Variants in RAB11FIP4 observed in about 807,000 individuals in gnomAD.
The protein encoded by RAB11FIP4 is RAB11 family interacting protein 4.
Under a neutral mutation model 74.3 loss-of-function variants are expected in RAB11FIP4, and 23 were observed. The ratio of observed to expected loss-of-function variants is 0.31; its 90% CI spans 0.22 to 0.44. The LOEUF is 0.44. Among genes scored for constraint, RAB11FIP4 ranks in the 20% least tolerant of loss-of-function variants. The pLI, the probability that RAB11FIP4 is intolerant of heterozygous loss-of-function variation, is 1.00. For missense variants in RAB11FIP4, 630 were observed against 863.9 expected (o/e 0.73, Z 3.39); for synonymous variants, 360 against 359.9 (o/e 1.00, Z 0.00).
At chr17:31,459,725 C>T (rs1039826497) in intron 3 of RAB11FIP4, among the ~76,000 whole-genome samples, 2 of 152,072 alleles carry the variant, frequency 1.3e-5, no homozygotes, top group African/African-American at 4.8e-5. Context: ...TCGGCTGCCA[C>T]CCAGAAGCTT....
rs377283725 is a variant in RAB11FIP4, at chr17:31,503,491, A to G, written c.337-14160A>G. ...CTTCAAGGGAAGGGGGAAGAGGAAG[A>G]GGAGGGTGGGCAAAGCCTGGCAGAG... On this transcript the variant is annotated intron_variant, in intron 3 of 14. Coordinates refer to ENST00000621161, the MANE Select transcript of RAB11FIP4 (RefSeq NM_032932.6). Among the ~76,000 whole-genome samples the G allele has an allele frequency of 4.7e-5, 7 of 149,992 alleles. No individual in the cohort carries two copies. The East Asian group carries it at 1.2e-3, about 25-fold the overall frequency.
intron 1 of RAB11FIP4, among the ~76,000 whole-genome samples, chr17:31,403,642 C>T (rs2071016586): frequency 6.6e-6 from 1 of 152,076 alleles, no homozygotes; most frequent in African/African-American, 2.4e-5. Context: ...ATTTCTTAAT[C>T]CCTTTCGTCA....
At chr17:31,487,726 G>C (rs1301565877) in intron 3 of RAB11FIP4, among the ~76,000 whole-genome samples, 1 of 152,080 alleles carries the variant, frequency 6.6e-6, no homozygotes, top group South Asian at 2.1e-4. Flanking sequence ...GGCGCAGAAC[G>C]GGCAAGAGAC....
In RAB11FIP4 at chr17:31,537,466, G is replaced by T; in HGVS notation, c.*5734G>T. On this transcript the variant is annotated 3_prime_UTR_variant, in exon 15 of 15. Transcript: ENST00000621161. Reference sequence around the variant, plus strand: ...GCATTCCAGAAAAGGGCAACTTTGTGTAAAGCAGCTTCTCCCACAGAGCTT... The same window carrying T: ...GCATTCCAGAAAAGGGCAACTTTGTTTAAAGCAGCTTCTCCCACAGAGCTT... 1 of 363,422 alleles carries T rather than the reference G, an allele frequency of 2.8e-6. No individual in the cohort carries two copies. Among genetic ancestry groups the T allele is most frequent in the Non-Finnish European group, 4.9e-6 (1 of 203,560 alleles). 22.5% of individuals were successfully genotyped at this position (363,422 alleles called of 1,614,324 possible). A position where few individuals can be genotyped will look rare whatever the true frequency, so the allele number is the denominator to read the frequency against.
intron 3 of RAB11FIP4, among the ~76,000 whole-genome samples, chr17:31,448,884 C>G (rs147687108): frequency 3.1e-4 from 47 of 152,284 alleles, no homozygotes; most frequent in Middle Eastern, 3.4e-3. Context: ...TGTCATTTGG[C>G]AAGTCGCTTC....
At chr17:31,521,458 CT>C in intron 5 of RAB11FIP4, 98 bp downstream of exon 5, 2 of 1,103,698 alleles carry the variant, frequency 1.8e-6, no homozygotes, top group Non-Finnish European at 2.5e-6. Context: ...TGAGCTGGCC[CT>C]TTTCCTTTGT....
intron 3 of RAB11FIP4, among the ~76,000 whole-genome samples, chr17:31,503,076 A>G (rs1597961829): frequency 6.6e-6 from 1 of 152,154 alleles, no homozygotes; most frequent in African/African-American, 2.4e-5. Flanking sequence ...TCTGTTGCCC[A>G]GGCTGGAGTG....
chr17:31,440,112 C>T (rs576072400), intron 3 of RAB11FIP4, among the ~76,000 whole-genome samples: 1 of 152,254 alleles, frequency 6.6e-6, no homozygotes, highest in East Asian at 1.9e-4. Context: ...AGGCTATAAA[C>T]ATATTCTCCT....
At chr17:31,434,234 C>A in intron 3 of RAB11FIP4, 112 bp downstream of exon 3, 1 of 825,886 alleles carries the variant, frequency 1.2e-6, no homozygotes, top group Non-Finnish European at 2.0e-6. Flanking sequence ...TCTGAGGACC[C>A]TTCTTGAGCA....
chr17:31,520,096 A>G (rs1260802143), intron 4 of RAB11FIP4, among the ~76,000 whole-genome samples: 1 of 60,590 alleles, frequency 1.7e-5, no homozygotes, highest in Non-Finnish European at 2.8e-5. Context: ...TCTGTCTCCA[A>G]AAAAAAAAAA....
chr17:31,428,614 G>T (rs911672829), intron 1 of RAB11FIP4, among the ~76,000 whole-genome samples: 4 of 152,050 alleles, frequency 2.6e-5, no homozygotes, highest in Non-Finnish European at 5.9e-5. Context: ...TGTATGTGTG[G>T]CTAGCCAGCA....
chr17:31,434,866 AC>A (rs1392929291), intron 3 of RAB11FIP4, among the ~76,000 whole-genome samples: 1 of 152,140 alleles, frequency 6.6e-6, no homozygotes, highest in Non-Finnish European at 1.5e-5. Context: ...TGCTACCAGC[AC>A]CCGGGCTCTC....
intron 3 of RAB11FIP4, among the ~76,000 whole-genome samples, chr17:31,462,398 A>G (rs1208611837): frequency 6.6e-6 from 1 of 152,224 alleles, no homozygotes; most frequent in Non-Finnish European, 1.5e-5. Flanking sequence ...TGTGGCCAGC[A>G]GCATAGATGA....
chr17:31,427,564 C>T (rs1046614986), intron 1 of RAB11FIP4, among the ~76,000 whole-genome samples: 3 of 152,234 alleles, frequency 2.0e-5, no homozygotes, highest in Admixed American at 6.5e-5. Context: ...CAAATCCCTG[C>T]ACTCCTGCCT....
chr17:31,491,398 G>T (rs1340431080), intron 3 of RAB11FIP4, among the ~76,000 whole-genome samples: 3 of 152,248 alleles, frequency 2.0e-5, no homozygotes, highest in African/African-American at 7.2e-5. Flanking sequence ...GAGCTCGCAG[G>T]ATGGTAGTGA....
chr17:31,491,240 T>G (rs7215205), intron 3 of RAB11FIP4, among the ~76,000 whole-genome samples: 1 of 152,116 alleles, frequency 6.6e-6, no homozygotes, highest in African/African-American at 2.4e-5. Flanking sequence ...CATTTCTGTT[T>G]GCTCAGCCCC....
At chr17:31,503,237 T>G (rs2072254974) in intron 3 of RAB11FIP4, among the ~76,000 whole-genome samples, 1 of 149,816 alleles carries the variant, frequency 6.7e-6, no homozygotes, top group South Asian at 2.1e-4. Context: ...TTCAACATGT[T>G]GGCCAGGCTA....
chr17:31,439,495 C>T (rs2071389435), intron 3 of RAB11FIP4, among the ~76,000 whole-genome samples: 1 of 152,222 alleles, frequency 6.6e-6, no homozygotes, highest in African/African-American at 2.4e-5. Context: ...TTCTTATCTT[C>T]CCATACCCTC....
At chr17:31,424,210 C>G (rs974309186) in intron 1 of RAB11FIP4, among the ~76,000 whole-genome samples, 3 of 152,180 alleles carry the variant, frequency 2.0e-5, no homozygotes, top group Non-Finnish European at 2.9e-5. Context: ...TCACCTTCCA[C>G]TATTCACTTT....
Sources: allele counts gnomAD v4.1 joint callset (sites outside exome capture counted in the v4.1 genomes callset), GRCh38; gene constraint gnomAD v4.1.1; transcripts MANE v1.5; gene names NCBI Gene and HGNC (gene_info 2026-07-23, HGNC 2026-07-21).